The following M6PR variants were observed in gnomAD, a reference collection of about 807,000 sequenced individuals.
M6PR encodes mannose-6-phosphate receptor, cation dependent.
Under a neutral mutation model 33.1 loss-of-function variants are expected in M6PR, and 19 were observed. That is an observed-to-expected ratio of 0.57 (90% CI 0.40 to 0.84). The LOEUF is 0.84. Among genes scored for constraint, M6PR ranks in the 40% least tolerant of loss-of-function variants. M6PR has a pLI of 0.00. For synonymous variants in M6PR, 111 were observed against 123.4 expected (o/e 0.90, Z 0.67); for missense variants, 295 against 336.0 (o/e 0.88, Z 0.95).
intron 5 of M6PR, 38 bp from the exon 6 acceptor site, chr12:8,942,580 G>C (rs1315644254): frequency 1.9e-6 from 3 of 1,603,164 alleles, no homozygotes; most frequent in Non-Finnish European, 2.6e-6. Flanking sequence ...TAAGAACTGG[G>C]AAATAGTAAA....
In M6PR at chr12:8,941,762, G is replaced by C; in HGVS notation, c.*56C>G. ...GAGTTGAGACTGCTTGAGAAATCTGGCTGTGTAGCTTTGGTTTGGGGGACT... is the reference window on the plus strand; with the variant it reads ...GAGTTGAGACTGCTTGAGAAATCTGCCTGTGTAGCTTTGGTTTGGGGGACT... On this transcript the variant is annotated 3_prime_UTR_variant, in exon 7 of 7. Coordinates refer to ENST00000000412, the MANE Select transcript of M6PR (RefSeq NM_002355.4). The C allele has an allele frequency of 1.2e-6, 2 of 1,604,724 alleles. No homozygotes were observed. Among genetic ancestry groups the C allele is most frequent in the Non-Finnish European group, 1.7e-6 (2 of 1,171,974 alleles).
chr12:8,943,578 T>C lies in M6PR; in HGVS notation c.454-43A>G, dbSNP rs772999547. On this transcript the variant is annotated intron_variant, in intron 4 of 6. Transcript: ENST00000000412. Reference sequence around the variant, plus strand: ...TAACACATTCAGGTGGTTAAGTGTTTTGACTCCTGTCCAACAAAATAAAAA... The same window carrying C: ...TAACACATTCAGGTGGTTAAGTGTTCTGACTCCTGTCCAACAAAATAAAAA... The C allele has an allele frequency of 2.5e-6, 4 of 1,612,570 alleles. No individual in the cohort carries two copies. The African/African-American group carries it at 4.0e-5, about 16-fold the overall frequency.
intron 3 of M6PR, 94 bp from the exon 4 acceptor site, chr12:8,944,004 C>T: frequency 2.5e-6 from 2 of 814,614 alleles, no homozygotes; most frequent in South Asian, 1.4e-5. Flanking sequence ...TAATTCATTG[C>T]AATTGGTTAT....
rs1356725873 is a variant in M6PR, at chr12:8,941,607, T to TA, written c.*210dup. ...AGGCCCTATTATATTAACTCTGACT[T>TA]ACAACTGTACCTCTCTAGAGAAAAA... On this transcript the variant is annotated 3_prime_UTR_variant, in exon 7 of 7. Transcript: ENST00000000412. 20 of 559,652 alleles carry TA rather than the reference T, an allele frequency of 3.6e-5. No individual in the cohort carries two copies. The South Asian group carries it at 3.6e-4, about 10-fold the overall frequency. The allele number at this position is 559,652 out of a possible 1,614,324, so 34.7% of individuals were successfully genotyped here.
At chr12:8,946,518 C>A in intron 1 of M6PR, 113 bp from the exon 2 acceptor site, 1 of 811,842 alleles carries the variant, frequency 1.2e-6, no homozygotes. Context: ...CCAGAAAGTA[C>A]AAGATTCTCT....
chr12:8,943,788 C>T lies in M6PR; in HGVS notation c.453+13G>A, dbSNP rs1371300674. 1 of 1,608,110 alleles carries T rather than the reference C, an allele frequency of 6.2e-7. No homozygotes were observed. The highest frequency in any genetic ancestry group is 1.7e-5 in the Admixed American group (1 of 60,010). On this transcript the variant is annotated intron_variant, in intron 4 of 6. Transcript: ENST00000000412. ...GTCTCCTCCCTCGGCTTATACAACACAGGGTGCCTCACCGCTAGGGTGTGT... is the reference window on the plus strand; with the variant it reads ...GTCTCCTCCCTCGGCTTATACAACATAGGGTGCCTCACCGCTAGGGTGTGT...
chr12:8,944,521 C>T (rs999883808), intron 3 of M6PR, among the ~76,000 whole-genome samples: 1 of 152,200 alleles, frequency 6.6e-6, no homozygotes, highest in East Asian at 1.9e-4. Flanking sequence ...ACATGATCCC[C>T]AGCCCCAAAC....
At chr12:8,942,645 CCCTG>C in intron 5 of M6PR, 103 bp from the exon 6 acceptor site, 1 of 1,271,404 alleles carries the variant, frequency 7.9e-7, no homozygotes, top group Non-Finnish European at 1.1e-6. Context: ...AAGATACATT[CCCTG>C]AAAAGGAAAA....
chr12:8,943,021 T>G (rs1946044601), intron 5 of M6PR, among the ~76,000 whole-genome samples: 1 of 151,380 alleles, frequency 6.6e-6, no homozygotes, highest in South Asian at 2.1e-4. Context: ...TGGTGCGACC[T>G]CAGCTCACTG....
chr12:8,944,170 C>T (rs1488162514), intron 3 of M6PR, among the ~76,000 whole-genome samples: 1 of 152,140 alleles, frequency 6.6e-6, no homozygotes. Context: ...ACTGACAATG[C>T]AAAACCAATT....
At chr12:8,947,799 A>G (rs1409402110) in intron 1 of M6PR, among the ~76,000 whole-genome samples, 3 of 151,134 alleles carry the variant, frequency 2.0e-5, no homozygotes, top group Non-Finnish European at 4.4e-5. Flanking sequence ...GTGCATAACA[A>G]TTTTTTGGAG....
At position 8,943,499 on chromosome 12, in the gene M6PR, C is replaced by T; in HGVS notation, c.490G>A (p.Val164Ile). 6.2e-7 allele frequency: 1 copy of T among 1,614,204 alleles called. No homozygotes were observed. The highest frequency in any genetic ancestry group is 8.5e-7 in the Non-Finnish European group (1 of 1,180,020). ...FNPVSEERGK[V>I]QDCFYLFEMD... ...TCAAAGAGGTAGAAACAATCTTGGA[C>T]TTTGCCACGCTCCTCAGACACAGGG... The change falls in exon 5 of 7, where the codon GTC becomes ATC. Residue 164 changes from valine to isoleucine, a missense_variant. By Grantham distance (29) the Val-to-Ile change is conservative. Coordinates refer to ENST00000000412, the MANE Select transcript of M6PR (RefSeq NM_002355.4).
chr12:8,943,761 C>G, intron 4 of M6PR, 40 bp downstream of exon 4: 1 of 1,559,862 alleles, frequency 6.4e-7, no homozygotes, highest in Non-Finnish European at 8.8e-7. Context: ...TCAGTCCTTT[C>G]AGTCTCCTCC....
rs775326685 is a variant in M6PR at position 8,941,676 on chromosome 12, A to G, written c.*142T>C. ...AGGGAAGGCAGTTTTACTAGTGAGA[A>G]GATGCAAATCAAAAGCAAACTGGAA... On this transcript the variant is annotated 3_prime_UTR_variant, in exon 7 of 7. Transcript: ENST00000000412. 8 of 976,878 alleles carry G rather than the reference A, an allele frequency of 8.2e-6. No individual in the cohort carries two copies. The East Asian group carries it at 1.9e-4, about 24-fold the overall frequency. The allele number at this position is 976,878 out of a possible 1,614,324, so 60.5% of individuals were successfully genotyped here.
intron 5 of M6PR, 98 bp downstream of exon 5, chr12:8,943,307 T>G: frequency 7.4e-7 from 1 of 1,358,260 alleles, no homozygotes; most frequent in Non-Finnish European, 1.0e-6. Context: ...TACAGCATAA[T>G]GTACACATAC....
Position 8,941,668 on chromosome 12 carries a change from T to C in M6PR, c.*150A>G, listed in dbSNP as rs537006596. 7.3e-5 allele frequency: 65 copies of C among 891,464 alleles called. No homozygotes were observed. The highest frequency in any genetic ancestry group is 1.1e-4 in the Non-Finnish European group (65 of 570,728). 55.2% of individuals were successfully genotyped at this position (891,464 alleles called of 1,614,324 possible). Reference sequence around the variant, plus strand: ...AGGAACAAAGGGAAGGCAGTTTTACTAGTGAGAAGATGCAAATCAAAAGCA... The same window carrying C: ...AGGAACAAAGGGAAGGCAGTTTTACCAGTGAGAAGATGCAAATCAAAAGCA... On this transcript the variant is annotated 3_prime_UTR_variant, in exon 7 of 7. Transcript: ENST00000000412.
In M6PR at chr12:8,946,140, AAGAG is replaced by A. The variant is rs1946089744; in HGVS notation, c.176+85_176+88del. The A allele has an allele frequency of 6.0e-6, 8 of 1,325,620 alleles. No individual in the cohort carries two copies. In the Admixed American group the frequency reaches 1.0e-4, roughly 17 times the overall value. 82.1% of individuals were successfully genotyped at this position (1,325,620 alleles called of 1,614,324 possible). On this transcript the variant is annotated intron_variant, in intron 2 of 6. Transcript: ENST00000000412. ...GCTGAGAATTTGCTCTATGTCATAA[AAGAG>A]AGCACATTATGAAATAAAATCAGTA... is the stretch of plus-strand genomic sequence containing the variant.
chr12:8,949,645 T>G lies in M6PR; in HGVS notation c.-159A>C, dbSNP rs780179610. On this transcript the variant is annotated 5_prime_UTR_variant, in exon 1 of 7. Coordinates refer to ENST00000000412, the MANE Select transcript of M6PR (RefSeq NM_002355.4). This position sits in a 1 kb window ranked among gnomAD's most constrained non-coding sequence, Gnocchi z 5.6. ...CCTAGCGCCTCGCTGTGCCCCACTC[T>G]GGGAACCGGAAACAGGAAGCGCCAA... is the stretch of plus-strand genomic sequence containing the variant. The G allele has an allele frequency of 6.6e-6, 1 of 152,286 alleles. No homozygotes were observed. The highest frequency in any genetic ancestry group is 2.4e-5 in the African/African-American group (1 of 41,518). The allele number at this position is 152,286 out of a possible 1,614,324, so 9.4% of individuals were successfully genotyped here. A position where few individuals can be genotyped will look rare whatever the true frequency, so the allele number is the denominator to read the frequency against.
chr12:8,945,652 C>G (rs1181353726), intron 2 of M6PR, 68 bp from the exon 3 acceptor site: 1 of 1,313,876 alleles, frequency 7.6e-7, no homozygotes, highest in Middle Eastern at 2.1e-4. Flanking sequence ...TAACAGCATC[C>G]CTTTCCTTAA....
Sources: allele counts gnomAD v4.1 joint callset (sites outside exome capture counted in the v4.1 genomes callset), GRCh38; gene constraint gnomAD v4.1.1; non-coding constraint Gnocchi (gnomAD v3.1); transcripts MANE v1.5; gene names NCBI Gene and HGNC (gene_info 2026-07-23, HGNC 2026-07-21).